Variants in CORIN observed in about 807,000 individuals in gnomAD.
CORIN encodes atrial natriuretic peptide-converting enzyme.
In CORIN, 117 loss-of-function variants were observed where a neutral mutation model predicts 125.3. That is an observed-to-expected ratio of 0.93 (90% CI 0.80 to 1.09). The LOEUF (loss-of-function observed/expected upper bound fraction) is 1.09. Ranked by LOEUF, CORIN falls within the 50% of genes least tolerant of loss-of-function variation. The probability of loss-of-function intolerance (pLI) is 0.00; values close to 1 mark genes in which losing one functional copy is unlikely to be tolerated. For synonymous variants in CORIN, 450 were observed against 466.4 expected, an observed-to-expected ratio of 0.96 and a Z score of 0.45; for missense variants, 1,253 against 1,306.7, an observed-to-expected ratio of 0.96 and a Z score of 0.63.
Position 47,603,561 on chromosome 4 carries a change from C to T in CORIN, c.2648G>A (p.Arg883His), listed in dbSNP as rs781309311. 49 of 1,613,986 alleles carry T rather than the reference C, an allele frequency of 3.0e-5. No individual in the cohort carries two copies. The highest frequency in any genetic ancestry group is 5.5e-5 in the South Asian group (5 of 91,084). ...ATAGTCCACCACTGCTCGACTGTAG[C>T]GGGGATGCAGGATGATGGTCTTCAC... ...RFVKTIILHP[R>H]YSRAVVDYDI... Residue 883 changes from arginine to histidine, a missense_variant, in exon 20 of 22, where the codon CGC becomes CAC. Arg to His is a conservative substitution (Grantham distance 29, BLOSUM62 0). Transcript: ENST00000273857.
At chr4:47,596,786 C>T (rs1355771421) in intron 21 of CORIN, among the ~76,000 whole-genome samples, 2 of 152,214 alleles carry the variant, frequency 1.3e-5, no homozygotes, top group African/African-American at 4.8e-5. Flanking sequence ...GGTCTTCCTA[C>T]TTGGTATTGT....
intron 1 of CORIN, among the ~76,000 whole-genome samples, chr4:47,815,816 A>T (rs940590696): frequency 1.3e-5 from 2 of 152,180 alleles, no homozygotes; most frequent in African/African-American, 4.8e-5. Context: ...AAAATGTTCT[A>T]AATTTCACAT....
intron 19 of CORIN, among the ~76,000 whole-genome samples, chr4:47,618,775 C>CAAGTGATCACTGCAGGA: frequency 6.6e-6 from 1 of 151,020 alleles, no homozygotes; most frequent in East Asian, 1.9e-4. Flanking sequence ...GCCAAGATCG[C>CAAGTGATCACTGCAGGA]GCGGCTGCAC....
At chr4:47,821,793 G>A (rs1228951975) in intron 1 of CORIN, among the ~76,000 whole-genome samples, 1 of 152,114 alleles carries the variant, frequency 6.6e-6, no homozygotes, top group Non-Finnish European at 1.5e-5. Flanking sequence ...GTATATTATA[G>A]ATGCACCTAA....
intron 12 of CORIN, among the ~76,000 whole-genome samples, chr4:47,658,861 C>CT (rs372087039): frequency 6.6e-6 from 1 of 152,250 alleles, no homozygotes; most frequent in African/African-American, 2.4e-5. Flanking sequence ...ATTTTCCACA[C>CT]TTTTATGCTC....
chr4:47,763,791 G>A (rs746264318), intron 3 of CORIN, among the ~76,000 whole-genome samples: 13 of 151,822 alleles, frequency 8.6e-5, no homozygotes, highest in African/African-American at 2.9e-4. Flanking sequence ...AAAAGCATTC[G>A]TGTCCTGGGA....
intron 3 of CORIN, among the ~76,000 whole-genome samples, chr4:47,782,101 A>G (rs1730578439): frequency 1.3e-5 from 2 of 151,586 alleles, no homozygotes; most frequent in Admixed American, 1.3e-4. Context: ...GAACTGAAAG[A>G]AGGCCAGGCG....
intron 4 of CORIN, among the ~76,000 whole-genome samples, chr4:47,749,354 C>T (rs1394744111): frequency 1.3e-5 from 2 of 152,168 alleles, no homozygotes; most frequent in East Asian, 3.8e-4. Context: ...GATGAAGCAA[C>T]TTGTCATATT....
At chr4:47,653,741 T>C in intron 12 of CORIN, 81 bp from the exon 13 acceptor site, 1 of 1,252,858 alleles carries the variant, frequency 8.0e-7, no homozygotes, top group Non-Finnish European at 1.1e-6. Context: ...TAGGATGTTG[T>C]CAAGGAGCTT....
chr4:47,808,550 C>T (rs1328803377), intron 1 of CORIN, among the ~76,000 whole-genome samples: 2 of 152,190 alleles, frequency 1.3e-5, no homozygotes, highest in Non-Finnish European at 2.9e-5. Context: ...TTTAAGAATT[C>T]TCCATGAGAG....
chr4:47,781,208 C>T (rs148727739), intron 3 of CORIN, among the ~76,000 whole-genome samples: 41 of 152,160 alleles, frequency 2.7e-4, no homozygotes, highest in African/African-American at 9.4e-4. Flanking sequence ...TTCAAAGACA[C>T]AAATAGGTTG....
chr4:47,740,466 T>C (rs1229141346), intron 5 of CORIN, among the ~76,000 whole-genome samples: 1 of 151,930 alleles, frequency 6.6e-6, no homozygotes, highest in Non-Finnish European at 1.5e-5. Flanking sequence ...TGACCCTTTA[T>C]CATTAAAAAA....
intron 1 of CORIN, among the ~76,000 whole-genome samples, chr4:47,807,895 A>G (rs1030171885): frequency 1.8e-4 from 27 of 152,206 alleles, no homozygotes; most frequent in African/African-American, 6.5e-4. Context: ...AGTCTCCTTA[A>G]TGAAGGCATT....
chr4:47,792,964 G>C (rs1731142058), intron 2 of CORIN, among the ~76,000 whole-genome samples: 1 of 152,202 alleles, frequency 6.6e-6, no homozygotes, highest in Non-Finnish European at 1.5e-5. Flanking sequence ...TTACATGACA[G>C]AGTCTAGCCA....
chr4:47,596,641 A>G (rs1219477912), intron 21 of CORIN, among the ~76,000 whole-genome samples: 1 of 152,184 alleles, frequency 6.6e-6, no homozygotes, highest in African/African-American at 2.4e-5. Context: ...TCTGAAAACA[A>G]AGGTGTATTC....
At chr4:47,672,850 A>G (rs938013512) in intron 10 of CORIN, among the ~76,000 whole-genome samples, 1 of 152,018 alleles carries the variant, frequency 6.6e-6, no homozygotes. Flanking sequence ...GCCACAGTCA[A>G]TCCTGTCAGT....
chr4:47,736,373 A>G (rs1728135478), intron 5 of CORIN, among the ~76,000 whole-genome samples: 1 of 152,254 alleles, frequency 6.6e-6, no homozygotes, highest in Non-Finnish European at 1.5e-5. Context: ...TAGAAAAGCC[A>G]GATAAAACAC....
In CORIN at chr4:47,732,985, G is replaced by A. The variant is rs139413152; in HGVS notation, c.799+11417C>T. ...CCTTGTCTCAGGTCTGTGTCTGTGC[G>A]TCCCATGTCCATCTCTCCACTGGCC... On this transcript the variant is annotated intron_variant, in intron 5 of 21. Coordinates refer to ENST00000273857, the MANE Select transcript of CORIN (RefSeq NM_006587.4). Among the ~76,000 whole-genome samples, 428 of 152,130 alleles carry A rather than the reference G, an allele frequency of 2.8e-3. 2 individuals carry two copies. Among genetic ancestry groups the A allele is most frequent in the Middle Eastern group, 6.8e-3 (2 of 294 alleles).
At chr4:47,792,637 C>A (rs1731129724) in intron 2 of CORIN, among the ~76,000 whole-genome samples, 1 of 152,220 alleles carries the variant, frequency 6.6e-6, no homozygotes, top group Non-Finnish European at 1.5e-5. Flanking sequence ...ATTTCCAGTT[C>A]TCTCTCCTTC....
Sources: allele counts gnomAD v4.1 joint callset (sites outside exome capture counted in the v4.1 genomes callset), GRCh38; gene constraint gnomAD v4.1.1; transcripts MANE v1.5; gene names NCBI Gene and HGNC (gene_info 2026-07-23, HGNC 2026-07-21).